Variants in TPI1 observed in about 807,000 individuals in gnomAD.
TPI1 encodes the protein triosephosphate isomerase 1.
In TPI1, 11 loss-of-function variants were observed where a neutral mutation model predicts 31.0. The observed-to-expected ratio is 0.36, with a 90% CI of 0.22 to 0.59. The LOEUF (loss-of-function observed/expected upper bound fraction) is 0.59, where lower values mean the gene tolerates loss of function less well. TPI1 is among the 20% of genes least tolerant of loss of function. The probability of loss-of-function intolerance (pLI) is 0.79; values close to 1 mark genes in which losing one functional copy is unlikely to be tolerated. For synonymous variants in TPI1, 121 were observed against 122.8 expected, an observed-to-expected ratio of 0.99 and a Z score of 0.10; for missense variants, 245 against 319.7, an observed-to-expected ratio of 0.77 and a Z score of 1.78.
chr12:6,869,538 T>G, intron 4 of TPI1, 148 bp downstream of exon 4: 1 of 1,480,726 alleles, frequency 6.8e-7, no homozygotes, highest in Non-Finnish European at 9.4e-7. Context: ...TTGGGGCCTA[T>G]GACTTCTCCA....
At position 6,870,051 on chromosome 12, in the gene TPI1, C is replaced by T; in HGVS notation, c.546C>T (p.Ala182=). 1 of 1,614,142 alleles carries T rather than the reference C, an allele frequency of 6.2e-7. No individual in the cohort carries two copies. The highest frequency in any genetic ancestry group is 8.5e-7 in the Non-Finnish European group (1 of 1,180,020). Residue 182 remains alanine (A), a splice_region_variant and synonymous_variant, in exon 6 of 7, where the codon GCC becomes GCT. Transcript: ENST00000396705. ...CTTAGGCCAGCTTCTTGTTCTAGGC[C>T]CAGGAAGTACACGAGAAGCTCCGAG... The part of the protein sequence containing the change: ...GTGKTATPQQ[A]QEVHEKLRGW...
chr12:6,868,773 G>A, intron 1 of TPI1, 91 bp from the exon 2 acceptor site: 1 of 1,532,794 alleles, frequency 6.5e-7, no homozygotes, highest in Non-Finnish European at 8.8e-7. Context: ...AAGAGGGTGA[G>A]GGCTGGGGGG....
chr12:6,867,909 G>A (rs1944493247), intron 1 of TPI1, among the ~76,000 whole-genome samples: 1 of 152,202 alleles, frequency 6.6e-6, no homozygotes, highest in African/African-American at 2.4e-5. Context: ...GGACTATGGG[G>A]CAGGTAAGGA....
chr12:6,867,561 A>T lies in TPI1; in HGVS notation c.-6A>T, dbSNP rs782063657. 1 of 1,612,008 alleles carries T rather than the reference A, an allele frequency of 6.2e-7. No individual in the cohort carries two copies. Among genetic ancestry groups the T allele is most frequent in the Non-Finnish European group, 8.5e-7 (1 of 1,179,516 alleles). ...CACTGACCTTCAGCGCCTCGGCTCC[A>T]GCGCCATGGCGCCCTCCAGGAAGTT... On this transcript the variant is annotated 5_prime_UTR_variant, in exon 1 of 7. Transcript: ENST00000396705.
chr12:6,868,454 A>AC, intron 1 of TPI1: 1 of 1,287,518 alleles, frequency 7.8e-7, no homozygotes, highest in East Asian at 5.5e-5. Context: ...CTCAATACAA[A>AC]CCCCAGGAGT....
At chr12:6,868,730 T>G in intron 1 of TPI1, 134 bp from the exon 2 acceptor site, 10 of 1,445,832 alleles carry the variant, frequency 6.9e-6, no homozygotes, top group Non-Finnish European at 9.4e-6. Context: ...GTCATCTTGC[T>G]GGGGTGAAAA....
chr12:6,868,904 C>T lies in TPI1; in HGVS notation c.156C>T (p.Ala52=), dbSNP rs782757472. The T allele has an allele frequency of 5.0e-6, 8 of 1,614,004 alleles. No homozygotes were observed. In the South Asian group the frequency reaches 5.5e-5, roughly 11 times the overall value. The change falls in exon 2 of 7, where the codon GCC becomes GCT. Residue 52 remains alanine (A), a synonymous_variant. Transcript: ENST00000396705. ...CCCCTACTGCCTATATCGACTTCGC[C>T]CGGCAGAAGCTAGATCCCAAGATTG... ...CAPPTAYIDF[A]RQKLDPKIAV...
In TPI1 at chr12:6,869,199, A is replaced by G. The variant is rs1555132164; in HGVS notation, c.324+16A>G. ...GTCAGATGAGGTTAGTAGCCAAGAG[A>G]GAAGATAAGGGATGTCTTTTTCCAA... On this transcript the variant is annotated intron_variant, in intron 3 of 6. Transcript: ENST00000396705. 1.9e-6 allele frequency: 3 copies of G among 1,614,128 alleles called. No homozygotes were observed. The highest frequency in any genetic ancestry group is 1.6e-4 in the Middle Eastern group (1 of 6,062).
At chr12:6,868,059 G>A in intron 1 of TPI1, 11 of 1,229,984 alleles carry the variant, frequency 8.9e-6, no homozygotes, top group Non-Finnish European at 1.1e-5. Flanking sequence ...CGCTCCCTGC[G>A]CCCTGGCCTC....
intron 1 of TPI1, chr12:6,868,195 A>G (rs2001004): frequency 0.32 from 412,032 of 1,287,530 alleles, 72,752 homozygotes; most frequent in African/African-American, 0.72. Flanking sequence ...GGCAACCTGA[A>G]CGACTCCCGC....
Position 6,870,280 on chromosome 12 carries a change from C to A in TPI1, c.647C>A (p.Ala216Glu). The change falls in exon 7 of 7, where the codon GCA becomes GAA. Residue 216 changes from alanine to glutamate, a missense_variant. This residue lies in a region of TPI1 where 127 missense variants were observed against 163.7 expected (regional missense o/e 0.78). Transcript: ENST00000396705. ...RIIYGGSVTGATCKELASQPD... is the reference protein window; with the variant it reads ...RIIYGGSVTGETCKELASQPD... ...CCCTTCCCAGGCTCTGTGACTGGGG[C>A]AACCTGCAAGGAGCTGGCCAGCCAG... 1 of 1,614,148 alleles carries A rather than the reference C, an allele frequency of 6.2e-7. No homozygotes were observed.
rs999757234 is a variant in TPI1, at chr12:6,868,506, G to C, written c.116-358G>C. 3.9e-6 allele frequency: 5 copies of C among 1,282,042 alleles called. No individual in the cohort carries two copies. The African/African-American group carries it at 7.6e-5, about 19-fold the overall frequency. The allele number at this position is 1,282,042 out of a possible 1,614,324, so 79.4% of individuals were successfully genotyped here. A position where few individuals can be genotyped will look rare whatever the true frequency, so the allele number is the denominator to read the frequency against. ...GCTACAAATCCTTGCCTTGCAAAGGGGAGGTGAGGATGGGCTATTTTAGAA... is the reference window on the plus strand; with the variant it reads ...GCTACAAATCCTTGCCTTGCAAAGGCGAGGTGAGGATGGGCTATTTTAGAA... On this transcript the variant is annotated intron_variant, in intron 1 of 6. Transcript: ENST00000396705.
chr12:6,869,824 T>G, intron 5 of TPI1, 51 bp downstream of exon 5: 1 of 1,598,024 alleles, frequency 6.3e-7, no homozygotes, highest in Non-Finnish European at 8.6e-7. Flanking sequence ...TCAATAGGTT[T>G]GGACAGACAC....
intron 1 of TPI1, chr12:6,868,185 G>A (rs1944502166): frequency 2.3e-6 from 3 of 1,287,912 alleles, no homozygotes; most frequent in Non-Finnish European, 3.0e-6. Flanking sequence ...CCTTCCCTTC[G>A]GCAACCTGAA....
In TPI1 at chr12:6,870,661, G is replaced by A; in HGVS notation, c.*278G>A. On this transcript the variant is annotated 3_prime_UTR_variant, in exon 7 of 7. Coordinates refer to ENST00000396705, the MANE Select transcript of TPI1 (RefSeq NM_000365.6). ...GGAAGGCGTGGTGGGATTTGCTCCT[G>A]GGTTCCCTAGGCCCTAGTGAGGGCA... 1 of 627,000 alleles carries A rather than the reference G, an allele frequency of 1.6e-6. No homozygotes were observed. The allele number at this position is 627,000 out of a possible 1,614,324, so 38.8% of individuals were successfully genotyped here.
At chr12:6,868,606 A>G in intron 1 of TPI1, 1 of 1,358,680 alleles carries the variant, frequency 7.4e-7, no homozygotes, top group Non-Finnish European at 9.6e-7. Context: ...AGGAAATTGG[A>G]GCCCCAGCTG....
intron 1 of TPI1, chr12:6,868,645 C>T: frequency 3.0e-6 from 4 of 1,339,142 alleles, no homozygotes; most frequent in South Asian, 1.4e-5. Context: ...GGGTGAGGGC[C>T]GTGGCCTCTC....
Position 6,870,638 on chromosome 12 carries a change from A to G in TPI1, c.*255A>G. 1 of 658,680 alleles carries G rather than the reference A, an allele frequency of 1.5e-6. No homozygotes were observed. Among genetic ancestry groups the G allele is most frequent in the Non-Finnish European group, 2.9e-6 (1 of 350,620 alleles). The allele number at this position is 658,680 out of a possible 1,614,324, so 40.8% of individuals were successfully genotyped here. ...TGGCTTCTCCTTGGCTGAGAGATGG[A>G]AGGCGTGGTGGGATTTGCTCCTGGG... On this transcript the variant is annotated 3_prime_UTR_variant, in exon 7 of 7. Coordinates refer to ENST00000396705, the MANE Select transcript of TPI1 (RefSeq NM_000365.6).
chr12:6,868,736 GA>G (rs1163859055), intron 1 of TPI1, 127 bp from the exon 2 acceptor site: 7 of 1,465,442 alleles, frequency 4.8e-6, no homozygotes, highest in Non-Finnish European at 5.5e-6. Context: ...TTGCTGGGGT[GA>G]AAAGGGGGAG....
Sources: gnomAD v4.1 joint callset for allele counts (sites outside exome capture counted in the v4.1 genomes callset) on GRCh38, gnomAD v4.1.1 for gene constraint, gnomAD v4.1.1 regional missense constraint, MANE v1.5 for transcripts, NCBI Gene and HGNC (gene_info 2026-07-23, HGNC 2026-07-21) for gene names.